The following TCF12 variants were observed in gnomAD, a reference collection of about 807,000 sequenced individuals.
TCF12 encodes the protein DNA-binding protein HTF4.
Under a neutral mutation model 86.0 loss-of-function variants are expected in TCF12, and 45 were observed. That is an observed-to-expected ratio of 0.52 (90% CI 0.41 to 0.67). The LOEUF is 0.67. Ranked by LOEUF, TCF12 falls within the 30% of genes least tolerant of loss-of-function variation. The pLI, the probability that TCF12 is intolerant of heterozygous loss-of-function variation, is 0.00. For synonymous variants in TCF12, 330 were observed against 299.6 expected (o/e 1.10, Z -1.05); for missense variants, 881 against 859.9 (o/e 1.02, Z -0.31).
intron 7 of TCF12, among the ~76,000 whole-genome samples, chr15:57,194,776 G>T (rs1337163790): frequency 2.6e-5 from 4 of 152,158 alleles, no homozygotes; most frequent in African/African-American, 9.7e-5. Flanking sequence ...ACAAAAGGAT[G>T]TGTTACCCCC....
chr15:56,959,492 T>C (rs1416097523), intron 3 of TCF12, among the ~76,000 whole-genome samples: 1 of 152,202 alleles, frequency 6.6e-6, no homozygotes, highest in Non-Finnish European at 1.5e-5. Context: ...GAACAAAGTT[T>C]CTCTTTGATG....
chr15:57,139,215 T>C (rs1253752629), intron 5 of TCF12, among the ~76,000 whole-genome samples: 2 of 152,214 alleles, frequency 1.3e-5, no homozygotes, highest in East Asian at 3.8e-4. Flanking sequence ...CCTCTTGCTC[T>C]CGTAATCTCT....
intron 4 of TCF12, among the ~76,000 whole-genome samples, chr15:57,084,550 A>G (rs2048507965): frequency 6.6e-6 from 1 of 152,196 alleles, no homozygotes; most frequent in Non-Finnish European, 1.5e-5. Flanking sequence ...TGGATTCACT[A>G]GGCCTAAAAC....
intron 8 of TCF12, among the ~76,000 whole-genome samples, chr15:57,215,774 C>T (rs190698860): frequency 9.9e-5 from 15 of 152,204 alleles, no homozygotes; most frequent in East Asian, 1.9e-4. Flanking sequence ...TTCTTGCTTA[C>T]GGATCATTTA....
chr15:57,075,758 T>TTGTC (rs770223227), intron 4 of TCF12, among the ~76,000 whole-genome samples: 21 of 91,226 alleles, frequency 2.3e-4, no homozygotes, highest in African/African-American at 8.1e-4. Flanking sequence ...ATGAGGTTTC[T>TTGTC]TTTCTTTCTT....
chr15:57,051,278 C>T (rs1439134869), intron 3 of TCF12, among the ~76,000 whole-genome samples: 2 of 152,292 alleles, frequency 1.3e-5, no homozygotes, highest in East Asian at 3.9e-4. Context: ...GTTATTTTAG[C>T]GTTCCACCTG....
At chr15:56,970,829 T>C (rs1448785185) in intron 3 of TCF12, among the ~76,000 whole-genome samples, 1 of 150,498 alleles carries the variant, frequency 6.6e-6, no homozygotes, top group African/African-American at 2.4e-5. Context: ...GCAGAAGAAA[T>C]GCTTGAGCCC....
At chr15:57,200,120 C>T (rs2057466436) in intron 8 of TCF12, among the ~76,000 whole-genome samples, 1 of 149,376 alleles carries the variant, frequency 6.7e-6, no homozygotes, top group African/African-American at 2.5e-5. Context: ...GGGCTCTGTG[C>T]TTCTCCTGCC....
At chr15:56,952,112 CTT>C (rs1215498603) in intron 3 of TCF12, among the ~76,000 whole-genome samples, 2 of 152,030 alleles carry the variant, frequency 1.3e-5, no homozygotes, top group Non-Finnish European at 2.9e-5. Flanking sequence ...ATAAATTACT[CTT>C]TCTCAAGTGA....
intron 5 of TCF12, among the ~76,000 whole-genome samples, chr15:57,127,064 C>T (rs1258242349): frequency 6.6e-6 from 1 of 151,044 alleles, no homozygotes; most frequent in African/African-American, 2.4e-5. Context: ...CTCACTGCAA[C>T]CTCCACCTCC....
At chr15:57,062,202 C>G (rs558726755) in intron 3 of TCF12, among the ~76,000 whole-genome samples, 2 of 151,994 alleles carry the variant, frequency 1.3e-5, no homozygotes, top group African/African-American at 4.8e-5. Flanking sequence ...GTGATCTGCC[C>G]GCCTCGGCCT....
intron 5 of TCF12, among the ~76,000 whole-genome samples, chr15:57,111,400 C>T (rs10518894): frequency 0.36 from 54,322 of 151,738 alleles, 12,117 homozygotes; most frequent in Non-Finnish European, 0.49. Context: ...ATCATTTAGA[C>T]TGAGGTCCTT....
chr15:56,986,999 A>G (rs1312001162), intron 3 of TCF12, among the ~76,000 whole-genome samples: 29 of 152,218 alleles, frequency 1.9e-4, no homozygotes, highest in Admixed American at 7.2e-4. Context: ...ATCTTGGTCT[A>G]TAATATTACT....
intron 6 of TCF12, among the ~76,000 whole-genome samples, chr15:57,182,109 A>G (rs1837299660): frequency 1.3e-5 from 2 of 152,132 alleles, no homozygotes; most frequent in African/African-American, 4.8e-5. Flanking sequence ...ATCCTCTGGG[A>G]TCGTTCTGTA....
At chr15:57,175,135 C>T (rs1402955533) in intron 6 of TCF12, among the ~76,000 whole-genome samples, 1 of 152,066 alleles carries the variant, frequency 6.6e-6, no homozygotes, top group Non-Finnish European at 1.5e-5. Context: ...TGTTTGAGGC[C>T]AGGAGTTCAA....
At chr15:56,953,029 T>C (rs1404581995) in intron 3 of TCF12, among the ~76,000 whole-genome samples, 2 of 152,058 alleles carry the variant, frequency 1.3e-5, no homozygotes, top group East Asian at 1.9e-4. Flanking sequence ...TTTCCTTCTA[T>C]TCCTAGCTTC....
intron 5 of TCF12, among the ~76,000 whole-genome samples, chr15:57,113,268 A>T (rs574588593): frequency 5.9e-5 from 9 of 152,300 alleles, no homozygotes; most frequent in African/African-American, 1.9e-4. Flanking sequence ...CTTATGCTTG[A>T]CATCTGTAGC....
intron 3 of TCF12, among the ~76,000 whole-genome samples, chr15:57,029,594 A>AT (rs2066024007): frequency 6.6e-6 from 1 of 152,230 alleles, no homozygotes. Flanking sequence ...ATATTTAAAA[A>AT]TTAACATGGA....
chr15:57,115,109 A>T (rs948656584), intron 5 of TCF12, among the ~76,000 whole-genome samples: 9 of 152,202 alleles, frequency 5.9e-5, no homozygotes, highest in Non-Finnish European at 8.8e-5. Context: ...AGTTTTGGAA[A>T]ATAAATATTC....
Sources: allele counts gnomAD v4.1 joint callset (sites outside exome capture counted in the v4.1 genomes callset), GRCh38; gene constraint gnomAD v4.1.1; transcripts MANE v1.5; gene names NCBI Gene and HGNC (gene_info 2026-07-23, HGNC 2026-07-21).